The following LRFN2 variants were observed in gnomAD, a reference collection of about 807,000 sequenced individuals.
LRFN2 encodes leucine rich repeat and fibronectin type III domain containing 2.
LRFN2 carries 18 observed loss-of-function variants against 37.3 expected under a neutral mutation model. The observed-to-expected ratio is 0.48, with a 90% CI of 0.33 to 0.72. The LOEUF is 0.72. Among genes scored for constraint, LRFN2 ranks in the 30% least tolerant of loss-of-function variants. The pLI is 0.02. For missense variants in LRFN2, 1,006 were observed against 1,060.7 expected (o/e 0.95, Z 0.72); for synonymous variants, 556 against 466.6 (o/e 1.19, Z -2.47).
rs74930933 is a variant in LRFN2, at chr6:40,409,719, A to T, written c.1401-16807T>A. 3.2e-3 allele frequency among the ~76,000 whole-genome samples: 493 copies of T among 152,280 alleles called. 3 individuals carry two copies. The highest frequency in any genetic ancestry group is 0.011 in the African/African-American group (464 of 41,566). ...TATGTAAGTGGTGAAGCATTTATAAATGTGAGGTGTCCATTTTTTATAATG... is the reference window on the plus strand; with the variant it reads ...TATGTAAGTGGTGAAGCATTTATAATTGTGAGGTGTCCATTTTTTATAATG... On this transcript the variant is annotated intron_variant, in intron 2 of 2. Coordinates refer to ENST00000338305, the MANE Select transcript of LRFN2 (RefSeq NM_020737.3).
At chr6:40,395,047 A>T (rs1207723224) in intron 2 of LRFN2, among the ~76,000 whole-genome samples, 1 of 149,316 alleles carries the variant, frequency 6.7e-6, no homozygotes, top group African/African-American at 2.5e-5. Flanking sequence ...CCCTTAGCAC[A>T]GTGTTTGGGG....
At chr6:40,462,564 ATC>A (rs1165740697) in intron 1 of LRFN2, among the ~76,000 whole-genome samples, 1 of 152,178 alleles carries the variant, frequency 6.6e-6, no homozygotes, top group Non-Finnish European at 1.5e-5. Context: ...CTAAATCTGT[ATC>A]TCTTATTCAG....
At chr6:40,466,003 C>T (rs1764453437) in intron 1 of LRFN2, among the ~76,000 whole-genome samples, 1 of 152,062 alleles carries the variant, frequency 6.6e-6, no homozygotes, top group African/African-American at 2.4e-5. Flanking sequence ...TACAGTCTAC[C>T]AGGGGTTTAC....
intron 1 of LRFN2, among the ~76,000 whole-genome samples, chr6:40,576,443 A>T (rs1485742434): frequency 1.3e-5 from 2 of 152,224 alleles, no homozygotes; most frequent in Non-Finnish European, 2.9e-5. Context: ...ACCAATATAC[A>T]GTAAATATCA....
intron 1 of LRFN2, among the ~76,000 whole-genome samples, chr6:40,571,816 G>A (rs1182920772): frequency 2.0e-5 from 3 of 152,218 alleles, no homozygotes; most frequent in African/African-American, 7.2e-5. Context: ...ACAACAAGTT[G>A]GTGGCGGAGC....
intron 1 of LRFN2, among the ~76,000 whole-genome samples, chr6:40,505,619 C>G (rs923624442): frequency 6.6e-6 from 1 of 152,190 alleles, no homozygotes. Flanking sequence ...TGGCCCTTTC[C>G]GCTACCCCTC....
At chr6:40,516,071 C>G (rs925630641) in intron 1 of LRFN2, among the ~76,000 whole-genome samples, 1 of 152,028 alleles carries the variant, frequency 6.6e-6, no homozygotes, top group Non-Finnish European at 1.5e-5. Context: ...TTGTGGGCTG[C>G]CTTCCTGCTT....
chr6:40,435,893 G>A (rs76254792), intron 1 of LRFN2, among the ~76,000 whole-genome samples: 5,442 of 151,706 alleles, frequency 0.036, 323 homozygotes, highest in African/African-American at 0.12. Context: ...CCATTATTGC[G>A]CCTCTTTAAG....
chr6:40,555,629 C>T (rs548517712), intron 1 of LRFN2, among the ~76,000 whole-genome samples: 73 of 152,216 alleles, frequency 4.8e-4, no homozygotes, highest in African/African-American at 1.7e-3. Flanking sequence ...CACATCCTTG[C>T]TTGCATTCAC....
intron 2 of LRFN2, among the ~76,000 whole-genome samples, chr6:40,424,284 T>A (rs1420288324): frequency 6.6e-6 from 1 of 152,166 alleles, no homozygotes; most frequent in Non-Finnish European, 1.5e-5. Flanking sequence ...AAAATCCCTG[T>A]GGACTTCCAG....
At chr6:40,458,200 G>T (rs773339054) in intron 1 of LRFN2, among the ~76,000 whole-genome samples, 1 of 152,148 alleles carries the variant, frequency 6.6e-6, no homozygotes, top group Non-Finnish European at 1.5e-5. Context: ...TCATTCTAGG[G>T]TGGCAGTGAG....
At chr6:40,512,063 C>T (rs9462631) in intron 1 of LRFN2, among the ~76,000 whole-genome samples, 19,097 of 152,220 alleles carry the variant, frequency 0.13, 1,647 homozygotes, top group Admixed American at 0.2. Context: ...GACTTTTGGA[C>T]GCTTAAAATC....
intron 2 of LRFN2, among the ~76,000 whole-genome samples, chr6:40,397,229 G>A (rs572427107): frequency 6.6e-6 from 1 of 152,110 alleles, no homozygotes; most frequent in Non-Finnish European, 1.5e-5. Context: ...AGCTATAGCT[G>A]GGGAGCCTGG....
intron 1 of LRFN2, among the ~76,000 whole-genome samples, chr6:40,435,153 CAGAG>C (rs10583784): frequency 0.074 from 8,421 of 113,506 alleles, 697 homozygotes; most frequent in African/African-American, 0.21. Flanking sequence ...TATATATATA[CAGAG>C]AGAGAGAGAG....
intron 2 of LRFN2, among the ~76,000 whole-genome samples, chr6:40,415,986 T>C (rs1392457234): frequency 2.0e-5 from 3 of 152,212 alleles, no homozygotes; most frequent in Non-Finnish European, 2.9e-5. Flanking sequence ...GAGATAGATT[T>C]GAGGGCCTGC....
intron 1 of LRFN2, among the ~76,000 whole-genome samples, chr6:40,460,831 G>A (rs181538434): frequency 3.3e-5 from 5 of 152,246 alleles, no homozygotes; most frequent in African/African-American, 1.2e-4. Context: ...TTTATGCAAT[G>A]GTCATTAAAT....
intron 1 of LRFN2, among the ~76,000 whole-genome samples, chr6:40,565,190 C>G (rs1767066730): frequency 6.6e-6 from 1 of 152,074 alleles, no homozygotes; most frequent in Non-Finnish European, 1.5e-5. Flanking sequence ...ATGTGAAGGA[C>G]CTCTTCAAGG....
chr6:40,483,796 G>A (rs1764887292), intron 1 of LRFN2, among the ~76,000 whole-genome samples: 1 of 152,138 alleles, frequency 6.6e-6, no homozygotes, highest in Non-Finnish European at 1.5e-5. Context: ...GTCTCAGTTA[G>A]GCTTTGAGAC....
intron 1 of LRFN2, among the ~76,000 whole-genome samples, chr6:40,575,914 C>A (rs1767268325): frequency 6.6e-6 from 1 of 152,182 alleles, no homozygotes; most frequent in Non-Finnish European, 1.5e-5. Flanking sequence ...AGTAATAATA[C>A]CTACTGCACA....
Sources: allele counts gnomAD v4.1 joint callset (sites outside exome capture counted in the v4.1 genomes callset), GRCh38; gene constraint gnomAD v4.1.1; transcripts MANE v1.5; gene names NCBI Gene and HGNC (gene_info 2026-07-23, HGNC 2026-07-21).